Variants in GRID2 observed in about 807,000 individuals in gnomAD.
GRID2 encodes the protein glutamate receptor ionotropic, delta-2.
GRID2 carries 33 observed loss-of-function variants against 114.8 expected under a neutral mutation model. The ratio of observed to expected loss-of-function variants is 0.29; its 90% confidence interval spans 0.22 to 0.38. The LOEUF (loss-of-function observed/expected upper bound fraction) is 0.38. GRID2 is among the 10% of genes least tolerant of loss of function. GRID2 has a pLI of 1.00. For synonymous variants in GRID2, 505 were observed against 449.9 expected (o/e 1.12, Z -1.55); for missense variants, 1,184 against 1,257.7 (o/e 0.94, Z 0.89).
intron 4 of GRID2, among the ~76,000 whole-genome samples, chr4:93,130,449 GA>G (rs1157146327): frequency 6.6e-6 from 1 of 151,726 alleles, no homozygotes; most frequent in East Asian, 1.9e-4. Flanking sequence ...GTCTCAGGGG[GA>G]AAAAAACTGG....
intron 2 of GRID2, among the ~76,000 whole-genome samples, chr4:92,773,408 C>T (rs554634515): frequency 5.9e-5 from 9 of 152,216 alleles, no homozygotes; most frequent in African/African-American, 1.9e-4. Context: ...ATTCTGTGCT[C>T]ATAATAGAGT....
chr4:92,820,831 A>C (rs1246799354), intron 2 of GRID2, among the ~76,000 whole-genome samples: 1 of 152,088 alleles, frequency 6.6e-6, no homozygotes, highest in Non-Finnish European at 1.5e-5. Flanking sequence ...TCATGTTATA[A>C]TTAATAATCT....
chr4:92,942,805 A>T (rs1751268170), intron 2 of GRID2, among the ~76,000 whole-genome samples: 5 of 152,020 alleles, frequency 3.3e-5, no homozygotes, highest in East Asian at 1.9e-4. Flanking sequence ...TCTGTAAAGG[A>T]TTTTATTTCT....
chr4:93,284,070 A>G (rs576652014), intron 8 of GRID2, among the ~76,000 whole-genome samples: 3 of 152,184 alleles, frequency 2.0e-5, no homozygotes, highest in African/African-American at 7.2e-5. Context: ...TTTCCTTACA[A>G]GATGACAGAT....
intron 2 of GRID2, among the ~76,000 whole-genome samples, chr4:92,998,699 A>C (rs1560781966): frequency 6.6e-6 from 1 of 151,570 alleles, no homozygotes; most frequent in Non-Finnish European, 1.5e-5. Context: ...TTTTTTTTCA[A>C]GAGGGTCCAT....
chr4:93,338,253 TG>T (rs748306907), intron 8 of GRID2, among the ~76,000 whole-genome samples: 1 of 152,180 alleles, frequency 6.6e-6, no homozygotes, highest in Non-Finnish European at 1.5e-5. Context: ...CAGTTTTAAA[TG>T]GAATCACCGT....
intron 2 of GRID2, among the ~76,000 whole-genome samples, chr4:93,040,243 A>T (rs2149267638): frequency 6.6e-6 from 1 of 151,994 alleles, no homozygotes; most frequent in South Asian, 2.1e-4. Context: ...TGTGTTTGGG[A>T]AGCAACCTGC....
At chr4:92,862,683 T>C (rs1173338845) in intron 2 of GRID2, among the ~76,000 whole-genome samples, 1 of 152,118 alleles carries the variant, frequency 6.6e-6, no homozygotes. Flanking sequence ...CTTTGCAGCT[T>C]GATAAAATGT....
intron 2 of GRID2, among the ~76,000 whole-genome samples, chr4:92,740,820 C>T (rs1375850586): frequency 6.6e-6 from 1 of 152,112 alleles, no homozygotes; most frequent in Non-Finnish European, 1.5e-5. Context: ...GATCCCGGCT[C>T]ACTGCAACCT....
intron 8 of GRID2, among the ~76,000 whole-genome samples, chr4:93,343,806 G>C (rs1759908031): frequency 6.6e-6 from 1 of 151,960 alleles, no homozygotes; most frequent in African/African-American, 2.4e-5. Flanking sequence ...CAGATTTTAG[G>C]TCATCGTGCA....
intron 1 of GRID2, among the ~76,000 whole-genome samples, chr4:92,319,439 G>A (rs957705729): frequency 2.0e-5 from 3 of 152,210 alleles, no homozygotes; most frequent in African/African-American, 7.2e-5. Context: ...GCAATGAGAG[G>A]AAGAAAAGTT....
chr4:93,503,043 A>G (rs1728282351), intron 12 of GRID2, among the ~76,000 whole-genome samples: 2 of 152,106 alleles, frequency 1.3e-5, no homozygotes, highest in Non-Finnish European at 1.5e-5. Flanking sequence ...AGGCATCAAG[A>G]TATGCATTTA....
At chr4:93,341,406 C>A (rs912349274) in intron 8 of GRID2, among the ~76,000 whole-genome samples, 1 of 152,016 alleles carries the variant, frequency 6.6e-6, no homozygotes, top group Admixed American at 6.6e-5. Context: ...CTCCCTGCAA[C>A]CTCCACCTCC....
At chr4:93,117,653 C>T (rs1202552343) in intron 4 of GRID2, among the ~76,000 whole-genome samples, 8 of 151,986 alleles carry the variant, frequency 5.3e-5, no homozygotes, top group Admixed American at 5.3e-4. Context: ...GTGCCTTTTT[C>T]AATTTTTTGT....
intron 1 of GRID2, among the ~76,000 whole-genome samples, chr4:92,359,321 G>T (rs17019329): frequency 0.19 from 28,322 of 151,846 alleles, 3,824 homozygotes; most frequent in African/African-American, 0.39. Context: ...ACTTTATAAA[G>T]TAATAGCATG....
At chr4:92,876,183 A>G (rs1217646897) in intron 2 of GRID2, among the ~76,000 whole-genome samples, 2 of 151,940 alleles carry the variant, frequency 1.3e-5, no homozygotes, top group African/African-American at 4.8e-5. Flanking sequence ...CACCTTATAT[A>G]TTTAAAATTA....
chr4:93,182,962 C>G (rs1043743318), intron 4 of GRID2, among the ~76,000 whole-genome samples: 5 of 152,160 alleles, frequency 3.3e-5, no homozygotes, highest in Non-Finnish European at 2.9e-5. Flanking sequence ...GTTTGCGAAG[C>G]CCCGCAGGTG....
chr4:92,962,786 A>G (rs1440267001), intron 2 of GRID2, among the ~76,000 whole-genome samples: 1 of 151,874 alleles, frequency 6.6e-6, no homozygotes, highest in African/African-American at 2.4e-5. Context: ...AGAATTTTCC[A>G]CACTGAGTCT....
At chr4:92,941,422 T>A (rs1578544844) in intron 2 of GRID2, among the ~76,000 whole-genome samples, 2 of 152,196 alleles carry the variant, frequency 1.3e-5, no homozygotes, top group South Asian at 4.1e-4. Flanking sequence ...ATATCCCCTT[T>A]ATCATTTTTT....
Sources: gnomAD v4.1 joint callset for allele counts (sites outside exome capture counted in the v4.1 genomes callset) on GRCh38, gnomAD v4.1.1 for gene constraint, MANE v1.5 for transcripts, NCBI Gene and HGNC (gene_info 2026-07-23, HGNC 2026-07-21) for gene names.